UGT1A5: variants seen among roughly 807,000 people sequenced by gnomAD.
UGT1A5 encodes UDP-glucuronosyltransferase 1A5.
A neutral mutation model predicts 40.3 loss-of-function variants in UGT1A5; 29 were observed. The ratio of observed to expected loss-of-function variants is 0.72; its 90% CI spans 0.54 to 0.98. The LOEUF is 0.98. UGT1A5 is among the 50% of genes least tolerant of loss of function. The pLI is 0.00. For synonymous variants in UGT1A5, 257 were observed against 262.5 expected (o/e 0.98, Z 0.20); for missense variants, 678 against 677.9 (o/e 1.00, Z 0.00).
chr2:233,719,509 C>T (rs372293131), intron 1 of UGT1A5: 20 of 1,613,850 alleles, frequency 1.2e-5, no homozygotes, highest in Non-Finnish European at 1.7e-5. Context: ...TTTTCTGCCC[C>T]TTATGCAAGT....
chr2:233,731,474 C>T (rs1441120863), intron 1 of UGT1A5, among the ~76,000 whole-genome samples: 3 of 152,238 alleles, frequency 2.0e-5, no homozygotes, highest in Middle Eastern at 3.4e-3. Context: ...TGTGATGTTC[C>T]CTGGCCTGTG....
At chr2:233,754,192 G>A (rs1695415440) in intron 1 of UGT1A5, 1 of 162,150 alleles carries the variant, frequency 6.2e-6, no homozygotes. Flanking sequence ...CCACCACACA[G>A]TAAAACATTG....
chr2:233,713,464 C>G lies in UGT1A5; in HGVS notation c.473C>G (p.Ala158Gly), dbSNP rs12475068. The change falls in exon 1 of 5, where the codon GCG becomes GGG. Residue 158 changes from alanine (A) to glycine (G), a missense_variant. Ala to Gly is a moderately conservative substitution (Grantham distance 60). Transcript: ENST00000373414. ...CTAACAGACCCCTTTCACCTCTGCGCGGCGGTGCTGGCTAAGTACCTGTCG... is the reference window on the plus strand; with the variant it reads ...CTAACAGACCCCTTTCACCTCTGCGGGGCGGTGCTGGCTAAGTACCTGTCG... Reference protein sequence around the residue: ...VVLTDPFHLCAAVLAKYLSIP... With the variant: ...VVLTDPFHLCGAVLAKYLSIP... 0.098 allele frequency: 158,292 copies of G among 1,613,912 alleles called. 8,805 individuals carry two copies. The highest frequency in any genetic ancestry group is 0.2 in the South Asian group (17,957 of 91,008).
intron 1 of UGT1A5, among the ~76,000 whole-genome samples, chr2:233,765,977 C>T (rs1699015249): frequency 6.6e-6 from 1 of 152,154 alleles, no homozygotes; most frequent in Non-Finnish European, 1.5e-5. Context: ...TGGATGTTTA[C>T]AGCTCCTGAA....
intron 1 of UGT1A5, chr2:233,730,097 T>C: frequency 6.3e-7 from 1 of 1,588,304 alleles, no homozygotes; most frequent in Non-Finnish European, 8.6e-7. Flanking sequence ...TTTCCAAATA[T>C]TTCATTTCTG....
intron 4 of UGT1A5, 105 bp downstream of exon 4, chr2:233,768,544 TAA>T: frequency 7.0e-7 from 1 of 1,425,890 alleles, no homozygotes; most frequent in Non-Finnish European, 9.3e-7. Flanking sequence ...GTTTCAAATA[TAA>T]AAACAAATAC....
intron 4 of UGT1A5, 92 bp downstream of exon 4, chr2:233,768,531 G>T: frequency 5.4e-6 from 8 of 1,481,574 alleles, no homozygotes; most frequent in South Asian, 4.1e-5. Context: ...ATTTAATAGC[G>T]TTGTTTCAAA....
intron 1 of UGT1A5, among the ~76,000 whole-genome samples, chr2:233,765,606 C>T (rs4663971): frequency 1.3e-5 from 2 of 151,332 alleles, no homozygotes; most frequent in Non-Finnish European, 1.5e-5. Context: ...GGGCTTGTGG[C>T]GGGGTGAGGG....
In UGT1A5 at chr2:233,751,447, G is replaced by T. The variant is rs116747594; in HGVS notation, c.868-15587G>T. Reference sequence around the variant, plus strand: ...GCTGAAATGAGTTAAGACTTTGGAAGATTGTTGGGAAGGCACGATTGGTTT... The same window carrying T: ...GCTGAAATGAGTTAAGACTTTGGAATATTGTTGGGAAGGCACGATTGGTTT... On this transcript the variant is annotated intron_variant, in intron 1 of 4. Transcript: ENST00000373414. Among the ~76,000 whole-genome samples the T allele has an allele frequency of 9.7e-3, 1,485 of 152,320 alleles. 22 individuals carry two copies. Among genetic ancestry groups the T allele is most frequent in the African/African-American group, 0.034 (1,416 of 41,558 alleles).
intron 1 of UGT1A5, chr2:233,729,128 T>C (rs765683446): frequency 2.4e-5 from 38 of 1,613,072 alleles, no homozygotes; most frequent in Non-Finnish European, 3.1e-5. Context: ...TCTGCTGAGA[T>C]GGCCACAGGA....
chr2:233,761,112 T>C (rs762490577), intron 1 of UGT1A5: 2 of 1,614,122 alleles, frequency 1.2e-6, no homozygotes, highest in Non-Finnish European at 1.7e-6. Flanking sequence ...TGGTTTTTGT[T>C]GGTGGAATCA....
intron 1 of UGT1A5, among the ~76,000 whole-genome samples, chr2:233,727,867 C>G (rs1213003028): frequency 6.6e-6 from 1 of 152,194 alleles, no homozygotes; most frequent in Non-Finnish European, 1.5e-5. Context: ...AGGGAAGCCT[C>G]AGCCTCACCA....
At chr2:233,747,425 A>T in intron 1 of UGT1A5, 8 of 1,445,640 alleles carry the variant, frequency 5.5e-6, no homozygotes, top group Non-Finnish European at 7.7e-6. Flanking sequence ...ACATCAAACA[A>T]GAGAAATTTT....
intron 1 of UGT1A5, among the ~76,000 whole-genome samples, chr2:233,731,386 C>A (rs2125763293): frequency 6.6e-6 from 1 of 152,052 alleles, no homozygotes; most frequent in Admixed American, 6.6e-5. Flanking sequence ...CCTGCACCCA[C>A]CAACTCGTCA....
intron 1 of UGT1A5, among the ~76,000 whole-genome samples, chr2:233,725,182 A>G (rs1185569328): frequency 3.4e-5 from 3 of 87,630 alleles, no homozygotes; most frequent in African/African-American, 2.7e-4. Flanking sequence ...CCGTGGGGAG[A>G]GGCAGAGGCA....
chr2:233,769,616 G>A lies in UGT1A5; in HGVS notation c.1307+1177G>A, dbSNP rs2126047271. The stretch of plus-strand genomic sequence containing the variant: ...ACGGAACACGGGGACACACCAGCTT[G>A]AGCAAGGGACAACAGGGGAGGACTG... On this transcript the variant is annotated intron_variant, in intron 4 of 4. Transcript: ENST00000373414. This position sits in a 1 kb window ranked among gnomAD's most constrained non-coding sequence, Gnocchi z 4.4. The A allele has an allele frequency of 1.9e-6, 3 of 1,612,698 alleles. No individual in the cohort carries two copies. Among genetic ancestry groups the A allele is most frequent in the East Asian group, 4.5e-5 (2 of 44,884 alleles).
At chr2:233,764,417 G>A (rs986717948) in intron 1 of UGT1A5, among the ~76,000 whole-genome samples, 1 of 152,168 alleles carries the variant, frequency 6.6e-6, no homozygotes, top group African/African-American at 2.4e-5. Context: ...TTTGCCCTGC[G>A]TGAATCTCCA....
At chr2:233,718,969 A>G (rs2076707871) in intron 1 of UGT1A5, 4 of 1,614,166 alleles carry the variant, frequency 2.5e-6, no homozygotes, top group Non-Finnish European at 3.4e-6. Context: ...GCCTTGCGGG[A>G]GCTCCATGCC....
In UGT1A5 at chr2:233,766,936, A is replaced by T. The variant is rs911091346; in HGVS notation, c.868-98A>T. The T allele has an allele frequency of 4.4e-6, 7 of 1,586,086 alleles. No homozygotes were observed. The South Asian group carries it at 7.0e-5, about 16-fold the overall frequency. ...ATCTCAAACACGCATGCCTTTAATC[A>T]TAGTCTTAAGAGGAAGATATCTAAT... is the stretch of plus-strand genomic sequence containing the variant. On this transcript the variant is annotated intron_variant, in intron 1 of 4. Coordinates refer to ENST00000373414, the MANE Select transcript of UGT1A5 (RefSeq NM_019078.2).
Sources: allele counts gnomAD v4.1 joint callset (sites outside exome capture counted in the v4.1 genomes callset), GRCh38; gene constraint gnomAD v4.1.1; non-coding constraint Gnocchi (gnomAD v3.1); transcripts MANE v1.5; gene names NCBI Gene and HGNC (gene_info 2026-07-23, HGNC 2026-07-21).